HOMER2: variants seen among roughly 807,000 people sequenced by gnomAD.
The protein encoded by HOMER2 is homer protein homolog 2.
In HOMER2, 27 loss-of-function variants were observed where a neutral mutation model predicts 47.0. That is an observed-to-expected ratio of 0.57 (90% CI 0.42 to 0.79). The LOEUF is 0.79. Among genes scored for constraint, HOMER2 ranks in the 30% least tolerant of loss-of-function variants. HOMER2 has a pLI of 0.00. For synonymous variants in HOMER2, 161 were observed against 163.8 expected, an observed-to-expected ratio of 0.98 and a Z score of 0.13; for missense variants, 443 against 435.0, an observed-to-expected ratio of 1.02 and a Z score of -0.16.
At chr15:82,852,050 G>A (rs2051411936) in intron 7 of HOMER2, 92 bp downstream of exon 7, 3 of 789,578 alleles carry the variant, frequency 3.8e-6, no homozygotes, top group Non-Finnish European at 6.3e-6. Context: ...GCAGCTGCCA[G>A]GGCCAGTCAT....
At chr15:82,948,390 C>CAAAAAA (rs71156062) in intron 1 of HOMER2, among the ~76,000 whole-genome samples, 1 of 62,468 alleles carries the variant, frequency 1.6e-5, no homozygotes, top group Non-Finnish European at 3.3e-5. Flanking sequence ...GACTCCATCT[C>CAAAAAA]AAAAAAAAAA....
intron 1 of HOMER2, among the ~76,000 whole-genome samples, chr15:82,934,613 G>A (rs1487353409): frequency 6.6e-6 from 1 of 152,108 alleles, no homozygotes; most frequent in Non-Finnish European, 1.5e-5. Context: ...GAGGGCCCAT[G>A]TCCATCCCAT....
chr15:82,922,055 A>T (rs2053742196), intron 1 of HOMER2, among the ~76,000 whole-genome samples: 1 of 152,242 alleles, frequency 6.6e-6, no homozygotes, highest in Non-Finnish European at 1.5e-5. Flanking sequence ...TGCTTAAAAG[A>T]TAACAGATAT....
chr15:82,937,020 G>A (rs2054157854), intron 1 of HOMER2, among the ~76,000 whole-genome samples: 1 of 152,192 alleles, frequency 6.6e-6, no homozygotes, highest in Non-Finnish European at 1.5e-5. Flanking sequence ...TATTAGGTTG[G>A]GTTAGGTTAT....
chr15:82,859,178 G>T, intron 4 of HOMER2, 43 bp from the exon 5 acceptor site: 1 of 1,613,608 alleles, frequency 6.2e-7, no homozygotes, highest in Non-Finnish European at 8.5e-7. Context: ...CCTGGCCAAA[G>T]TGAATTATCT....
chr15:82,983,271 G>A (rs2030457941), intron 1 of HOMER2, among the ~76,000 whole-genome samples: 1 of 152,178 alleles, frequency 6.6e-6, no homozygotes, highest in Non-Finnish European at 1.5e-5. Context: ...TGGTACCATT[G>A]TAAAGTACAA....
At chr15:82,866,043 C>T (rs369831919) in intron 3 of HOMER2, among the ~76,000 whole-genome samples, 11 of 152,218 alleles carry the variant, frequency 7.2e-5, no homozygotes, top group African/African-American at 2.6e-4. Flanking sequence ...TCCTCCAGAC[C>T]CCAGAATAGT....
At chr15:82,949,427 T>C (rs1180641113) in intron 1 of HOMER2, among the ~76,000 whole-genome samples, 1 of 151,948 alleles carries the variant, frequency 6.6e-6, no homozygotes, top group Non-Finnish European at 1.5e-5. Context: ...GGTGTTGTTT[T>C]GAGGAGAGGG....
upstream of HOMER2, among the ~76,000 whole-genome samples, chr15:82,953,230 C>A (rs988991331): frequency 2.6e-5 from 4 of 152,020 alleles, no homozygotes; most frequent in Non-Finnish European, 4.4e-5. Context: ...TACCCGCCAC[C>A]GTGAAATTTC....
At chr15:82,891,521 C>G (rs2052702882) in intron 2 of HOMER2, among the ~76,000 whole-genome samples, 1 of 152,168 alleles carries the variant, frequency 6.6e-6, no homozygotes, top group Non-Finnish European at 1.5e-5. Context: ...CGTGCCTTCC[C>G]TGGGAGAGCT....
In HOMER2 at chr15:82,849,780, C is replaced by T. The variant is rs372825300; in HGVS notation, c.967G>A (p.Asp323Asn). 1.2e-5 allele frequency: 20 copies of T among 1,613,856 alleles called. No individual in the cohort carries two copies. In the African/African-American group the frequency reaches 1.9e-4, roughly 15 times the overall value. Residue 323 changes from aspartate to asparagine, a missense_variant, in exon 9 of 9, where the codon GAC (aspartate) becomes AAC (asparagine). By Grantham distance (23) the Asp-to-Asn change is conservative. Transcript: ENST00000450735. The part of the protein sequence containing the change: ...VELKSFLEVL[D>N]GKIDDLHDFR... The stretch of plus-strand genomic sequence containing the variant: ...TCATGCAGGTCGTCAATCTTCCCGT[C>T]CAGCACCTCCAGGAAGCTCTTCAAC...
In HOMER2 at chr15:82,849,638, CAGA is replaced by C. The variant is rs2051321313; in HGVS notation, c.*74_*76del. On this transcript the variant is annotated 3_prime_UTR_variant, in exon 9 of 9. Coordinates refer to ENST00000450735, the MANE Select transcript of HOMER2 (RefSeq NM_004839.4). ...CCTGCATTTACAGAAGCAATGCACA[CAGA>C]AGAACGTCCTAGAGCTATCTGGTCT... 1 of 1,326,706 alleles carries C rather than the reference CAGA, an allele frequency of 7.5e-7. No individual in the cohort carries two copies. Among genetic ancestry groups the C allele is most frequent in the African/African-American group, 1.5e-5 (1 of 68,112 alleles). The allele number at this position is 1,326,706 out of a possible 1,614,324, so 82.2% of individuals were successfully genotyped here. A position where few individuals can be genotyped will look rare whatever the true frequency, so the allele number is the denominator to read the frequency against.
At chr15:82,905,155 T>G (rs1024052626) in intron 1 of HOMER2, among the ~76,000 whole-genome samples, 10 of 151,974 alleles carry the variant, frequency 6.6e-5, no homozygotes, top group Admixed American at 2.6e-4. Context: ...CGTTCATTAG[T>G]AGACAGGACA....
chr15:82,835,042 C>A (rs2051109154), downstream of HOMER2: 1 of 152,212 alleles, frequency 6.6e-6, no homozygotes, highest in Admixed American at 6.5e-5. Context: ...GATATTACTC[C>A]TGGGTCTCCA....
At chr15:82,978,255 G>T (rs1240968386) in intron 1 of HOMER2, among the ~76,000 whole-genome samples, 1 of 152,208 alleles carries the variant, frequency 6.6e-6, no homozygotes, top group Non-Finnish European at 1.5e-5. Context: ...CATTGCTAAA[G>T]ATGTGAAAGA....
At chr15:82,875,129 T>C in intron 3 of HOMER2, 144 bp downstream of exon 3, 2 of 911,436 alleles carry the variant, frequency 2.2e-6, no homozygotes, top group Non-Finnish European at 3.3e-6. Context: ...GCCTCTGCTT[T>C]GGCAGCCCCG....
Position 82,854,645 on chromosome 15 carries a change from T to C in HOMER2, c.650A>G (p.Lys217Arg), listed in dbSNP as rs775515730. The C allele has an allele frequency of 6.2e-7, 1 of 1,611,484 alleles. No individual in the cohort carries two copies. The highest frequency in any genetic ancestry group is 1.3e-5 in the African/African-American group (1 of 74,896). The change falls in exon 6 of 9, where the codon AAG becomes AGG. Residue 217 changes from lysine (K) to arginine (R), a missense_variant and splice_region_variant. Coordinates refer to ENST00000450735, the MANE Select transcript of HOMER2 (RefSeq NM_004839.4). ...CRDENDRLRN[K>R]IDELEEQCSE... Reference sequence around the variant, plus strand: ...GCTCACTGCATCCACCGTACCCACCTTGTTGCGGAGCCGGTCATTCTCATC... The same window carrying C: ...GCTCACTGCATCCACCGTACCCACCCTGTTGCGGAGCCGGTCATTCTCATC...
At chr15:82,878,006 G>C (rs541105341) in intron 2 of HOMER2, among the ~76,000 whole-genome samples, 12 of 152,304 alleles carry the variant, frequency 7.9e-5, no homozygotes, top group African/African-American at 2.9e-4. Context: ...GCTGGATCAG[G>C]ATGGATCACG....
intron 1 of HOMER2, among the ~76,000 whole-genome samples, chr15:82,923,270 G>A (rs1161156559): frequency 1.3e-5 from 2 of 152,032 alleles, no homozygotes; most frequent in Non-Finnish European, 1.5e-5. Context: ...GGCATCACCT[G>A]ACGTCAGGAG....
Sources: allele counts gnomAD v4.1 joint callset (sites outside exome capture counted in the v4.1 genomes callset), GRCh38; gene constraint gnomAD v4.1.1; transcripts MANE v1.5; gene names NCBI Gene and HGNC (gene_info 2026-07-23, HGNC 2026-07-21).